KRT8: variants seen among roughly 807,000 people sequenced by gnomAD.
KRT8 encodes the protein keratin 8.
KRT8 carries 24 observed loss-of-function variants against 43.0 expected under a neutral mutation model. That is an observed-to-expected ratio of 0.56 (90% CI 0.40 to 0.78). KRT8 has a LOEUF of 0.78. Among genes scored for constraint, KRT8 ranks in the 30% least tolerant of loss-of-function variants. KRT8 has a pLI of 0.00. For missense variants in KRT8, 492 were observed against 638.4 expected, an observed-to-expected ratio of 0.77 and a Z score of 2.47; for synonymous variants, 214 against 261.2, an observed-to-expected ratio of 0.82 and a Z score of 1.74.
At chr12:52,905,863 G>A (rs1941507030), upstream of KRT8, among the ~76,000 whole-genome samples, 1 of 152,138 alleles carries the variant, frequency 6.6e-6, no homozygotes, top group South Asian at 2.1e-4. Flanking sequence ...GGAGGCTGAG[G>A]TAGGCGGATC....
intron 2 of KRT8, among the ~76,000 whole-genome samples, chr12:52,936,020 G>A (rs1302779313): frequency 3.9e-5 from 6 of 152,066 alleles, no homozygotes; most frequent in African/African-American, 1.2e-4. Flanking sequence ...TTGGGAGGCC[G>A]AGGCAGGTGG....
At chr12:52,907,624 C>T (rs151205383), upstream of KRT8, among the ~76,000 whole-genome samples, 3 of 152,314 alleles carry the variant, frequency 2.0e-5, no homozygotes, top group African/African-American at 7.2e-5. Context: ...AGGGCTGACC[C>T]AGACCTTACC....
At chr12:52,935,276 G>A (rs1371909125) in intron 2 of KRT8, among the ~76,000 whole-genome samples, 1 of 148,014 alleles carries the variant, frequency 6.8e-6, no homozygotes, top group Admixed American at 6.9e-5. Flanking sequence ...CTACTCAGGT[G>A]ACTGAGGCAG....
chr12:52,942,639 C>T (rs538164248), intron 2 of KRT8, among the ~76,000 whole-genome samples: 14 of 152,306 alleles, frequency 9.2e-5, no homozygotes, highest in African/African-American at 3.1e-4. Context: ...CCAGCCCTTT[C>T]AGCCATGTTT....
chr12:52,938,171 T>TATATATATATATATATATGTA (rs1350561374), intron 2 of KRT8, among the ~76,000 whole-genome samples: 1 of 29,796 alleles, frequency 3.4e-5, no homozygotes, highest in African/African-American at 1.7e-4. Context: ...TATATATATA[T>TATATATATATATATATATGTA]TTTTTTTTTT....
chr12:52,942,502 C>G (rs767493279), intron 2 of KRT8, among the ~76,000 whole-genome samples: 1 of 152,178 alleles, frequency 6.6e-6, no homozygotes, highest in Non-Finnish European at 1.5e-5. Context: ...CTGATACTCT[C>G]TCTCACCTTC....
upstream of KRT8, among the ~76,000 whole-genome samples, chr12:52,908,964 T>G (rs775622742): frequency 2.0e-5 from 3 of 152,210 alleles, no homozygotes; most frequent in Non-Finnish European, 4.4e-5. Context: ...GAGCCAAGAC[T>G]GTGCCACTGC....
intron 7 of KRT8, 126 bp from the exon 8 acceptor site, chr12:52,897,744 C>A: frequency 7.7e-7 from 1 of 1,306,360 alleles, no homozygotes; most frequent in African/African-American, 1.4e-5. Flanking sequence ...TCTGCCTGAT[C>A]AGTGATTGCA....
Position 52,930,722 on chromosome 12 carries a change from G to A in KRT8, c.-47+18734C>T, listed in dbSNP as rs549844790. ...ACTACAGGCATGCACCACCACACCT[G>A]GCTAATATTTTTATTTTTTGTAGAG... On this transcript the variant is annotated intron_variant, in intron 2 of 6. Transcript: ENST00000546826. Among the ~76,000 whole-genome samples, 579 of 151,764 alleles carry A rather than the reference G, an allele frequency of 3.8e-3. 4 individuals carry two copies. The highest frequency in any genetic ancestry group is 0.013 in the African/African-American group (555 of 41,402).
intron 7 of KRT8, among the ~76,000 whole-genome samples, chr12:52,897,884 T>C (rs895691806): frequency 1.3e-5 from 2 of 152,136 alleles, no homozygotes; most frequent in African/African-American, 4.8e-5. Context: ...TTTACAGGTG[T>C]CATATAAAAA....
chr12:52,937,373 T>TAAA (rs879356847), intron 2 of KRT8, among the ~76,000 whole-genome samples: 8 of 133,786 alleles, frequency 6.0e-5, no homozygotes, highest in African/African-American at 2.2e-4. Context: ...ACTCGGTCTC[T>TAAA]AAAAAAAAAA....
At chr12:52,926,936 C>CTGAATGAATGAA (rs60430117) in intron 2 of KRT8, among the ~76,000 whole-genome samples, 30 of 150,580 alleles carry the variant, frequency 2.0e-4, no homozygotes, top group East Asian at 6.0e-4. Context: ...GTTTGATTCA[C>CTGAATGAATGAA]TGAATGAATG....
exon 1 of KRT8, chr12:52,904,786 C>T (rs766537083): frequency 2.6e-5 from 42 of 1,612,284 alleles, no homozygotes; most frequent in East Asian, 2.2e-5. Flanking sequence ...TTGACCGTAA[C>T]TGCGGTGATG....
In KRT8 at chr12:52,901,050, T is replaced by C. The variant is rs1418438161; in HGVS notation, c.594+109A>G. 8.4e-6 allele frequency: 7 copies of C among 837,712 alleles called. No individual in the cohort carries two copies. In the East Asian group the frequency reaches 1.2e-4, roughly 14 times the overall value. 51.9% of individuals were successfully genotyped at this position (837,712 alleles called of 1,614,324 possible). On this transcript the variant is annotated intron_variant, in intron 3 of 7. Transcript: ENST00000692008. ...CACCCAAATGTTTACATAAATGAGTTTGTCCCACTACTTAGGAATATTTAG... is the reference window on the plus strand; with the variant it reads ...CACCCAAATGTTTACATAAATGAGTCTGTCCCACTACTTAGGAATATTTAG...
chr12:52,922,184 TAAAAAAAAAAAAAAAAAAAAAAAAAAAAA>T (rs57023136), intron 2 of KRT8, among the ~76,000 whole-genome samples: 2 of 38,674 alleles, frequency 5.2e-5, no homozygotes, highest in Non-Finnish European at 8.8e-5. Context: ...ACCCTGTCTC[TAAAAAAAAAAAAAAAAAAAAAAAAAAAAA>T]AAAAAAAATG....
chr12:52,949,289 C>T (rs771828609), intron 2 of KRT8: 5 of 1,610,680 alleles, frequency 3.1e-6, no homozygotes, highest in Non-Finnish European at 3.4e-6. Flanking sequence ...TATGCAGGCG[C>T]TGGGGGCTCT....
chr12:52,901,117 C>G (rs1192739317), intron 3 of KRT8, 42 bp downstream of exon 3: 6 of 1,427,426 alleles, frequency 4.2e-6, no homozygotes, highest in Admixed American at 1.7e-5. Context: ...TCTCTGAGCC[C>G]CAGCCTCCAG....
intron 2 of KRT8, among the ~76,000 whole-genome samples, chr12:52,937,947 C>T (rs1299292608): frequency 6.7e-6 from 1 of 148,158 alleles, no homozygotes; most frequent in African/African-American, 2.5e-5. Flanking sequence ...CTGCAGTGAG[C>T]CGAGATCGTG....
intron 2 of KRT8, among the ~76,000 whole-genome samples, chr12:52,933,009 T>C (rs1402757188): frequency 6.6e-6 from 1 of 152,174 alleles, no homozygotes; most frequent in Non-Finnish European, 1.5e-5. Flanking sequence ...AGTGGCGCGA[T>C]CTCAGCTCAC....
Sources: gnomAD v4.1 joint callset for allele counts (sites outside exome capture counted in the v4.1 genomes callset) on GRCh38, gnomAD v4.1.1 for gene constraint, MANE v1.5 for transcripts, NCBI Gene and HGNC (gene_info 2026-07-23, HGNC 2026-07-21) for gene names.